The following TIAM1 variants were observed in gnomAD, a reference collection of about 807,000 sequenced individuals.
TIAM1 encodes rho guanine nucleotide exchange factor TIAM1.
A neutral mutation model predicts 163.5 loss-of-function variants in TIAM1; 65 were observed. That is an observed-to-expected ratio of 0.40 (90% CI 0.33 to 0.49). The LOEUF is 0.49. Ranked by LOEUF, TIAM1 falls within the 20% of genes least tolerant of loss-of-function variation. TIAM1 has a pLI of 0.77. For missense variants in TIAM1, 1,789 were observed against 2,044.7 expected, an observed-to-expected ratio of 0.87 and a Z score of 2.41; for synonymous variants, 833 against 810.1, an observed-to-expected ratio of 1.03 and a Z score of -0.48.
At chr21:31,260,975 C>A (rs1182662645) in intron 4 of TIAM1, among the ~76,000 whole-genome samples, 3 of 152,180 alleles carry the variant, frequency 2.0e-5, no homozygotes, top group African/African-American at 7.2e-5. Flanking sequence ...TGTTGATGTG[C>A]ATTTTCAGCC....
At chr21:31,145,152 G>C (rs1352369155) in intron 20 of TIAM1, among the ~76,000 whole-genome samples, 1 of 152,116 alleles carries the variant, frequency 6.6e-6, no homozygotes, top group African/African-American at 2.4e-5. Flanking sequence ...CACGGGAAAG[G>C]TCAGGCAGCA....
chr21:31,389,155 T>C (rs972808043), intron 2 of TIAM1, among the ~76,000 whole-genome samples: 1 of 152,266 alleles, frequency 6.6e-6, no homozygotes, highest in African/African-American at 2.4e-5. Flanking sequence ...AACTTTCCCA[T>C]ATCACAAAGT....
At chr21:31,391,656 A>G (rs2076967627) in intron 2 of TIAM1, among the ~76,000 whole-genome samples, 1 of 152,130 alleles carries the variant, frequency 6.6e-6, no homozygotes, top group South Asian at 2.1e-4. Flanking sequence ...CGGAAAGTCT[A>G]TTTGTCAAGG....
intron 25 of TIAM1, among the ~76,000 whole-genome samples, chr21:31,128,833 A>C (rs1385407442): frequency 3.9e-5 from 6 of 152,162 alleles, no homozygotes; most frequent in Non-Finnish European, 8.8e-5. Flanking sequence ...GAAGGAAGAG[A>C]TGCCTCATTT....
intron 1 of TIAM1, among the ~76,000 whole-genome samples, chr21:31,466,906 T>A (rs893312054): frequency 2.6e-5 from 4 of 151,424 alleles, no homozygotes; most frequent in Non-Finnish European, 5.9e-5. Context: ...GATTGATTCA[T>A]CATCATGAAG....
chr21:31,442,125 G>A (rs1172582575), intron 2 of TIAM1, among the ~76,000 whole-genome samples: 2 of 120,832 alleles, frequency 1.7e-5, no homozygotes, highest in Admixed American at 1.8e-4. Flanking sequence ...AAGAGATCAA[G>A]CTCAACTCCA....
chr21:31,547,136 A>C (rs145298871), intron 1 of TIAM1, among the ~76,000 whole-genome samples: 1 of 152,296 alleles, frequency 6.6e-6, no homozygotes, highest in Non-Finnish European at 1.5e-5. Flanking sequence ...GTCTGTCCAA[A>C]AGGAACAATT....
At position 31,120,740 on chromosome 21, in the gene TIAM1, C is replaced by T. The variant is rs762739609; in HGVS notation, c.4404G>A (p.Glu1468=). 1.2e-6 allele frequency: 2 copies of T among 1,614,118 alleles called. No homozygotes were observed. The highest frequency in any genetic ancestry group is 1.7e-5 in the Admixed American group (1 of 60,028). ...CACCGGGGGGCTGCTGGGACTCTTT[C>T]TCCGGGCTGCTTGCGGAGACGGCAT... ...DSDAVSASSP[E]KESQQPPGGG... The change falls in exon 28 of 28, where the codon GAG becomes GAA. Residue 1468 remains glutamate (E), a synonymous_variant. Coordinates refer to ENST00000541036, the MANE Select transcript of TIAM1 (RefSeq NM_001353694.2). This position sits in a 1 kb window ranked among gnomAD's most constrained non-coding sequence, Gnocchi z 4.2.
chr21:31,243,208 A>AT (rs57326278), intron 6 of TIAM1, among the ~76,000 whole-genome samples: 11,240 of 122,864 alleles, frequency 0.091, 412 homozygotes, highest in South Asian at 0.2. Context: ...AAAAAAAAAA[A>AT]AATATATATA....
chr21:31,385,529 T>C (rs1179103909), intron 2 of TIAM1, among the ~76,000 whole-genome samples: 3 of 151,768 alleles, frequency 2.0e-5, no homozygotes. Context: ...GTCAAGGCAA[T>C]AAGCTAGGAT....
chr21:31,146,481 C>T (rs1247507984), intron 20 of TIAM1, among the ~76,000 whole-genome samples: 3 of 144,216 alleles, frequency 2.1e-5, no homozygotes, highest in South Asian at 2.2e-4. Context: ...GAGGTCGAGG[C>T]GGGTGGATCA....
rs1214971037 is a variant in TIAM1, at chr21:31,339,338, T to G, written c.-284A>C. The G allele has an allele frequency of 5.0e-6, 2 of 398,504 alleles. No homozygotes were observed. The highest frequency in any genetic ancestry group is 8.8e-6 in the Non-Finnish European group (2 of 226,092). The allele number at this position is 398,504 out of a possible 1,614,324, so 24.7% of individuals were successfully genotyped here. ...GGTGAGAGACTAGGATTCAGAGCAT[T>G]ATGCCCATGGTACCAACCAGCCTCC... On this transcript the variant is annotated 5_prime_UTR_variant, in exon 2 of 28. Coordinates refer to ENST00000541036, the MANE Select transcript of TIAM1 (RefSeq NM_001353694.2).
At chr21:31,359,796 A>C (rs1251040593) in intron 2 of TIAM1, among the ~76,000 whole-genome samples, 1 of 139,050 alleles carries the variant, frequency 7.2e-6, no homozygotes, top group Admixed American at 7.4e-5. Context: ...AAAAGAGAAA[A>C]AGAAAGAAAA....
intron 6 of TIAM1, among the ~76,000 whole-genome samples, chr21:31,230,827 C>T (rs919914879): frequency 2.7e-4 from 41 of 152,086 alleles, no homozygotes; most frequent in Non-Finnish European, 7.4e-5. Context: ...CACCACCAAG[C>T]CCAGGTAATT....
intron 9 of TIAM1, among the ~76,000 whole-genome samples, chr21:31,214,279 C>G (rs184184873): frequency 6.6e-6 from 1 of 151,780 alleles, no homozygotes; most frequent in East Asian, 1.9e-4. Context: ...GAGCTGAGAC[C>G]ACACTACTGT....
chr21:31,384,319 C>T (rs2076829320), intron 2 of TIAM1, among the ~76,000 whole-genome samples: 2 of 151,230 alleles, frequency 1.3e-5, no homozygotes, highest in Non-Finnish European at 2.9e-5. Flanking sequence ...AAAATGTTTT[C>T]CCTGGGAGGC....
At chr21:31,262,350 A>C (rs1416348897) in intron 4 of TIAM1, among the ~76,000 whole-genome samples, 1 of 152,226 alleles carries the variant, frequency 6.6e-6, no homozygotes, top group Non-Finnish European at 1.5e-5. Context: ...CTGTAACCAA[A>C]GAAATTCATA....
intron 4 of TIAM1, among the ~76,000 whole-genome samples, chr21:31,263,989 C>G (rs543314151): frequency 1.3e-5 from 2 of 152,272 alleles, no homozygotes; most frequent in South Asian, 4.1e-4. Flanking sequence ...GTTATCTGGT[C>G]ATTTGTGTCA....
chr21:31,459,994 G>A (rs993604351), intron 2 of TIAM1, among the ~76,000 whole-genome samples: 1 of 152,122 alleles, frequency 6.6e-6, no homozygotes, highest in Non-Finnish European at 1.5e-5. Context: ...CAGCCAGCAT[G>A]GCAACAAGGT....
Sources: allele counts gnomAD v4.1 joint callset (sites outside exome capture counted in the v4.1 genomes callset), GRCh38; gene constraint gnomAD v4.1.1; non-coding constraint Gnocchi (gnomAD v3.1); transcripts MANE v1.5; gene names NCBI Gene and HGNC (gene_info 2026-07-23, HGNC 2026-07-21).